Variants in GPC6 observed in about 807,000 individuals in gnomAD.
GPC6 encodes glypican 6.
GPC6 carries 14 observed loss-of-function variants against 55.2 expected under a neutral mutation model. That is an observed-to-expected ratio of 0.25 (90% CI 0.17 to 0.40). The LOEUF (loss-of-function observed/expected upper bound fraction) is 0.40. GPC6 is among the 10% of genes least tolerant of loss of function. GPC6 has a pLI of 1.00. For synonymous variants in GPC6, 278 were observed against 259.6 expected (o/e 1.07, Z -0.68); for missense variants, 641 against 708.5 (o/e 0.90, Z 1.08).
At chr13:94,302,450 G>A (rs1875702428) in intron 5 of GPC6, among the ~76,000 whole-genome samples, 1 of 152,130 alleles carries the variant, frequency 6.6e-6, no homozygotes, top group Non-Finnish European at 1.5e-5. Flanking sequence ...TCACATCTGT[G>A]ATTAGATTTC....
intron 2 of GPC6, among the ~76,000 whole-genome samples, chr13:93,715,781 A>C (rs760121037): frequency 2.4e-4 from 36 of 151,692 alleles, no homozygotes; most frequent in Non-Finnish European, 7.4e-5. Flanking sequence ...TTGGCATATC[A>C]TGAGGATTAA....
At chr13:93,927,554 T>G (rs560038971) in intron 3 of GPC6, among the ~76,000 whole-genome samples, 4 of 151,982 alleles carry the variant, frequency 2.6e-5, no homozygotes, top group Non-Finnish European at 5.9e-5. Flanking sequence ...ATATGCAGAG[T>G]TCAATGGGGG....
chr13:93,271,618 T>C (rs1877530515), intron 1 of GPC6, among the ~76,000 whole-genome samples: 1 of 152,176 alleles, frequency 6.6e-6, no homozygotes. Context: ...CTTAGAATTC[T>C]TGAGGACGAT....
chr13:94,226,014 C>T (rs968242939), intron 4 of GPC6, among the ~76,000 whole-genome samples: 2 of 152,058 alleles, frequency 1.3e-5, no homozygotes, highest in Non-Finnish European at 2.9e-5. Flanking sequence ...CCATGGGTGA[C>T]GGTTCCCTCT....
At chr13:93,548,992 A>G (rs1398050498) in intron 2 of GPC6, among the ~76,000 whole-genome samples, 1 of 152,040 alleles carries the variant, frequency 6.6e-6, no homozygotes, top group Non-Finnish European at 1.5e-5. Flanking sequence ...CCAAATCTCA[A>G]TTTCTGGCTC....
At chr13:94,121,478 T>C (rs1337547994) in intron 4 of GPC6, among the ~76,000 whole-genome samples, 1 of 152,166 alleles carries the variant, frequency 6.6e-6, no homozygotes, top group African/African-American at 2.4e-5. Context: ...AAAATGTTTT[T>C]CAAGCAGTAA....
intron 7 of GPC6, 119 bp downstream of exon 7, chr13:94,382,669 G>A (rs1230022410): frequency 2.3e-6 from 3 of 1,329,262 alleles, no homozygotes; most frequent in Non-Finnish European, 3.2e-6. Context: ...GGAGGGACAA[G>A]TCATCACTTA....
At chr13:93,430,852 T>C (rs1350691836) in intron 1 of GPC6, among the ~76,000 whole-genome samples, 1 of 152,130 alleles carries the variant, frequency 6.6e-6, no homozygotes, top group Non-Finnish European at 1.5e-5. Context: ...TATCCCTTCA[T>C]GAAATGATAT....
chr13:93,334,641 A>C (rs1879981947), intron 1 of GPC6, among the ~76,000 whole-genome samples: 1 of 151,796 alleles, frequency 6.6e-6, no homozygotes, highest in Non-Finnish European at 1.5e-5. Context: ...TAATTTTTAT[A>C]ATTTTGCTAG....
At chr13:93,952,781 G>C (rs9524282) in intron 3 of GPC6, among the ~76,000 whole-genome samples, 1 of 148,184 alleles carries the variant, frequency 6.7e-6, no homozygotes, top group African/African-American at 2.5e-5. Context: ...ATGTGGGTGT[G>C]TATATATGTG....
chr13:93,445,489 A>G (rs375345542), intron 1 of GPC6, among the ~76,000 whole-genome samples: 108 of 152,298 alleles, frequency 7.1e-4, no homozygotes, highest in African/African-American at 2.5e-3. Flanking sequence ...CCACAATTCA[A>G]ATCAGTATTC....
intron 2 of GPC6, among the ~76,000 whole-genome samples, chr13:93,759,118 C>A (rs1409311965): frequency 6.6e-6 from 1 of 152,138 alleles, no homozygotes; most frequent in Non-Finnish European, 1.5e-5. Context: ...TCTGTCTTAC[C>A]TCCCAGAGAG....
chr13:93,272,635 A>C (rs1208064377), intron 1 of GPC6, among the ~76,000 whole-genome samples: 2 of 152,024 alleles, frequency 1.3e-5, no homozygotes, highest in Non-Finnish European at 2.9e-5. Flanking sequence ...TTCATGTAAG[A>C]TATCAGAGTG....
intron 4 of GPC6, among the ~76,000 whole-genome samples, chr13:94,128,916 C>T (rs968630408): frequency 1.3e-5 from 2 of 152,084 alleles, no homozygotes; most frequent in African/African-American, 4.8e-5. Context: ...TTTTTCCACA[C>T]CCACGTTACT....
At chr13:94,068,439 C>A (rs1310046269) in intron 4 of GPC6, among the ~76,000 whole-genome samples, 2 of 152,074 alleles carry the variant, frequency 1.3e-5, no homozygotes, top group African/African-American at 4.8e-5. Flanking sequence ...ATCATTCCAC[C>A]CCTGGCTCCT....
rs35858695 is a variant in GPC6 at position 93,930,275 on chromosome 13, G to GTTTTTTTTTTTTTTTTTTT, written c.712-97441_712-97440insTTTTTTTTTTTTTTTTTTT. 9.6e-3 allele frequency among the ~76,000 whole-genome samples: 1,190 copies of GTTTTTTTTTTTTTTTTTTT among 123,626 alleles called. 104 individuals carry two copies. The highest frequency in any genetic ancestry group is 0.03 in the African/African-American group (924 of 31,166). 81.1% of individuals were successfully genotyped at this position (123,626 alleles called of 152,430 possible). A position where few individuals can be genotyped will look rare whatever the true frequency, so the allele number is the denominator to read the frequency against. On this transcript the variant is annotated intron_variant, in intron 3 of 8. Transcript: ENST00000377047. ...TTTTAAAGGTTATTGGAAACGAAAG[G>GTTTTTTTTTTTTTTTTTTT]TTTTTTTTTTTTTGTAGACAGAGTC...
intron 3 of GPC6, among the ~76,000 whole-genome samples, chr13:94,018,074 T>G (rs916456309): frequency 6.6e-6 from 1 of 152,164 alleles, no homozygotes; most frequent in African/African-American, 2.4e-5. Context: ...ATGTCCATTA[T>G]CATGTTTAGA....
In GPC6 at chr13:94,272,763, T is replaced by C. The variant is rs35125310; in HGVS notation, c.878-13586T>C. On this transcript the variant is annotated intron_variant, in intron 4 of 8. Coordinates refer to ENST00000377047, the MANE Select transcript of GPC6 (RefSeq NM_005708.5). Reference sequence around the variant, plus strand: ...GATTACAGGCATGAGACACCACGCCTGGCCCTGGTCCTGTTTCTTGATGAT... The same window carrying C: ...GATTACAGGCATGAGACACCACGCCCGGCCCTGGTCCTGTTTCTTGATGAT... 5.7e-3 allele frequency among the ~76,000 whole-genome samples: 860 copies of C among 152,204 alleles called. 3 individuals are homozygous for C. The highest frequency in any genetic ancestry group is 9.5e-3 in the Non-Finnish European group (646 of 67,998).
intron 5 of GPC6, among the ~76,000 whole-genome samples, chr13:94,301,196 G>T (rs896721820): frequency 1.3e-5 from 2 of 152,158 alleles, no homozygotes; most frequent in Non-Finnish European, 2.9e-5. Flanking sequence ...TTATATAACA[G>T]CCATTTGCCC....
Sources: gnomAD v4.1 joint callset for allele counts (sites outside exome capture counted in the v4.1 genomes callset) on GRCh38, gnomAD v4.1.1 for gene constraint, MANE v1.5 for transcripts, NCBI Gene and HGNC (gene_info 2026-07-23, HGNC 2026-07-21) for gene names.